Variants in CUL5 observed in about 807,000 individuals in gnomAD.
CUL5 encodes the protein cullin-5.
CUL5 carries 26 observed loss-of-function variants against 108.8 expected under a neutral mutation model. The ratio of observed to expected loss-of-function variants is 0.24; its 90% CI spans 0.18 to 0.33. The LOEUF (loss-of-function observed/expected upper bound fraction) is 0.33, where lower values mean the gene tolerates loss of function less well. Among genes scored for constraint, CUL5 ranks in the 10% least tolerant of loss-of-function variants. The pLI is 1.00. For missense variants in CUL5, 524 were observed against 909.2 expected, an observed-to-expected ratio of 0.58 and a Z score of 5.45; for synonymous variants, 334 against 298.0, an observed-to-expected ratio of 1.12 and a Z score of -1.25.
intron 18 of CUL5, among the ~76,000 whole-genome samples, chr11:108,099,927 A>T (rs1456576107): frequency 1.1e-4 from 17 of 150,400 alleles, no homozygotes; most frequent in Non-Finnish European, 2.4e-4. Flanking sequence ...TTTTTAATGG[A>T]CTCAAGCGAT....
chr11:108,073,444 C>G lies in CUL5; in HGVS notation c.1060C>G (p.Leu354Val), dbSNP rs1485928754. 6.3e-7 allele frequency: 1 copy of G among 1,598,368 alleles called. No individual in the cohort carries two copies. The highest frequency in any genetic ancestry group is 1.3e-5 in the African/African-American group (1 of 74,492). The part of the protein sequence containing the change: ...LLTLFNRFSK[L>V]VKEAFQDDPR... ...TACACTATTTAATAGATTTAGTAAA[C>G]TCGTCAAAGAAGCTTTTCAAGATGA... The change falls in exon 10 of 19, where the codon CTC becomes GTC. Residue 354 changes from leucine (L) to valine (V), a missense_variant. Leu to Val is a conservative substitution (Grantham distance 32). Transcript: ENST00000393094.
intron 11 of CUL5, among the ~76,000 whole-genome samples, chr11:108,084,414 A>G (rs892919453): frequency 9.9e-5 from 15 of 152,178 alleles, no homozygotes; most frequent in Admixed American, 8.5e-4. Context: ...GGGGCAGTAG[A>G]TGTTTTGGTG....
intron 1 of CUL5, among the ~76,000 whole-genome samples, chr11:108,026,072 T>G (rs1862445282): frequency 6.6e-6 from 1 of 152,232 alleles, no homozygotes; most frequent in African/African-American, 2.4e-5. Flanking sequence ...CTTTTCACCT[T>G]GAAGTCCATT....
intron 10 of CUL5, among the ~76,000 whole-genome samples, chr11:108,077,468 A>G (rs1863968038): frequency 6.6e-6 from 1 of 152,050 alleles, no homozygotes; most frequent in Non-Finnish European, 1.5e-5. Flanking sequence ...TGTCTCTATT[A>G]AAAATACAAA....
rs1391252436 is a variant in CUL5, at chr11:108,009,249, C to CGGGCCCT, written c.-90_-84dup. 33 of 1,347,048 alleles carry CGGGCCCT rather than the reference C, an allele frequency of 2.4e-5. No homozygotes were observed. Among genetic ancestry groups the CGGGCCCT allele is most frequent in the South Asian group, 1.7e-4 (14 of 82,430 alleles). 83.4% of individuals were successfully genotyped at this position (1,347,048 alleles called of 1,614,324 possible). On this transcript the variant is annotated 5_prime_UTR_variant, in exon 1 of 19. It introduces an in-frame stop codon into an upstream open reading frame of the 5' UTR. Transcript: ENST00000393094. ...CCCACCACACCCTGGTGCGGGCCGA[C>CGGGCCCT]GGGCCCTGGGCCCTGGTGGGAGCTC... is the stretch of plus-strand genomic sequence containing the variant.
intron 3 of CUL5, among the ~76,000 whole-genome samples, chr11:108,047,968 A>G (rs976542824): frequency 7.2e-5 from 11 of 152,308 alleles, no homozygotes; most frequent in Admixed American, 5.2e-4. Flanking sequence ...TCACGGTAAC[A>G]TGACTGAATA....
chr11:108,078,413 C>A (rs1356151738), intron 11 of CUL5, among the ~76,000 whole-genome samples, 173 bp downstream of exon 11: 1 of 151,378 alleles, frequency 6.6e-6, no homozygotes, highest in Non-Finnish European at 1.5e-5. Flanking sequence ...AATTATTTTA[C>A]AATACAAAAA....
intron 3 of CUL5, chr11:108,046,633 TC>T (rs758553158): frequency 6.7e-6 from 2 of 299,014 alleles, no homozygotes; most frequent in Non-Finnish European, 1.2e-5. Context: ...TTTTTGGGAG[TC>T]CCCACCACCA....
At chr11:108,030,950 T>C (rs17107675) in intron 1 of CUL5, among the ~76,000 whole-genome samples, 1 of 152,252 alleles carries the variant, frequency 6.6e-6, no homozygotes, top group South Asian at 2.1e-4. Context: ...TAGGTTGTTG[T>C]CAGATCATAT....
At chr11:108,078,051 T>C (rs1272028445) in intron 10 of CUL5, 125 bp from the exon 11 acceptor site, 1 of 546,324 alleles carries the variant, frequency 1.8e-6, no homozygotes, top group Non-Finnish European at 3.2e-6. Context: ...CTAGGCAAAT[T>C]CTGTTTGGCC....
At chr11:108,013,664 C>A (rs11212484) in intron 1 of CUL5, among the ~76,000 whole-genome samples, 29,935 of 152,068 alleles carry the variant, frequency 0.2, 3,436 homozygotes, top group East Asian at 0.48. Flanking sequence ...ATAACCGAAC[C>A]ACAAGATAAA....
chr11:108,023,818 G>T (rs1295471807), intron 1 of CUL5, among the ~76,000 whole-genome samples: 1 of 152,152 alleles, frequency 6.6e-6, no homozygotes, highest in African/African-American at 2.4e-5. Context: ...GAATTTGTTT[G>T]AAATTTTTTT....
intron 2 of CUL5, among the ~76,000 whole-genome samples, chr11:108,045,885 T>A (rs1021318418): frequency 2.0e-5 from 3 of 152,088 alleles, no homozygotes; most frequent in African/African-American, 4.8e-5. Context: ...AAAAAATTTT[T>A]AAAAATAATT....
chr11:108,090,407 A>G (rs1330664694), intron 13 of CUL5, among the ~76,000 whole-genome samples: 1 of 151,886 alleles, frequency 6.6e-6, no homozygotes, highest in Non-Finnish European at 1.5e-5. Flanking sequence ...GGAGAATGGC[A>G]TGAACCCTGG....
intron 8 of CUL5, among the ~76,000 whole-genome samples, chr11:108,071,329 C>A (rs1328140303): frequency 6.6e-6 from 1 of 152,124 alleles, no homozygotes. Context: ...GGCACGATCA[C>A]AATTCACTGT....
intron 1 of CUL5, among the ~76,000 whole-genome samples, chr11:108,025,975 C>T (rs1427315621): frequency 1.3e-5 from 2 of 152,150 alleles, no homozygotes; most frequent in African/African-American, 4.8e-5. Context: ...CTGTCCTGCA[C>T]TGCTTTTGGT....
rs998666840 is a variant in CUL5 at position 108,086,905 on chromosome 11, A to C, written c.1179-1622A>C. 3.3e-5 allele frequency among the ~76,000 whole-genome samples: 5 copies of C among 152,194 alleles called. 1 individual carries two copies. The South Asian group carries it at 1.0e-3, about 31-fold the overall frequency. On this transcript the variant is annotated intron_variant, in intron 11 of 18. Coordinates refer to ENST00000393094, the MANE Select transcript of CUL5 (RefSeq NM_003478.6). ...GAGTTAGGTATCAGATCCTAGTCAG[A>C]TAGTTTCTACTTCTTTGCTTTCAGC...
At chr11:108,054,541 A>T in intron 5 of CUL5, 106 bp from the exon 6 acceptor site, 1 of 723,238 alleles carries the variant, frequency 1.4e-6, no homozygotes, top group Non-Finnish European at 2.2e-6. Context: ...TCTCTTGAGC[A>T]TTGTTACCTT....
At chr11:108,030,288 G>A (rs1862546651) in intron 1 of CUL5, among the ~76,000 whole-genome samples, 1 of 152,336 alleles carries the variant, frequency 6.6e-6, no homozygotes, top group Admixed American at 6.5e-5. Flanking sequence ...CAGGAGAGAA[G>A]CGTAGCTAAT....
Sources: allele counts gnomAD v4.1 joint callset (sites outside exome capture counted in the v4.1 genomes callset), GRCh38; gene constraint gnomAD v4.1.1; transcripts MANE v1.5; gene names NCBI Gene and HGNC (gene_info 2026-07-23, HGNC 2026-07-21).